OGDH: variants seen among roughly 807,000 people sequenced by gnomAD.
The protein encoded by OGDH is oxoglutarate dehydrogenase, also known as 2-oxoglutarate dehydrogenase complex component E1.
Under a neutral mutation model 116.6 loss-of-function variants are expected in OGDH, and 38 were observed. The ratio of observed to expected loss-of-function variants is 0.33; its 90% confidence interval spans 0.25 to 0.43. OGDH has a LOEUF of 0.43. Among genes scored for constraint, OGDH ranks in the 20% least tolerant of loss-of-function variants. OGDH has a pLI of 1.00. For missense variants in OGDH, 825 were observed against 1,357.2 expected, an observed-to-expected ratio of 0.61 and a Z score of 6.16; for synonymous variants, 488 against 533.3, an observed-to-expected ratio of 0.92 and a Z score of 1.17.
chr7:44,686,520 G>A (rs1485144460), intron 10 of OGDH, among the ~76,000 whole-genome samples: 1 of 152,032 alleles, frequency 6.6e-6, no homozygotes, highest in Admixed American at 6.6e-5. Context: ...TTTGCTATCA[G>A]GGTAATGCTG....
chr7:44,708,198 A>G lies in OGDH; in HGVS notation c.*199A>G. The stretch of plus-strand genomic sequence containing the variant: ...CTGCCCCACAGGCCACACGCTGCCC[A>G]GGCTCTGCTGACTTCTGAGCAGTTT... On this transcript the variant is annotated 3_prime_UTR_variant, in exon 23 of 23. Coordinates refer to ENST00000222673, the MANE Select transcript of OGDH (RefSeq NM_002541.4). The G allele has an allele frequency of 7.3e-6, 5 of 685,170 alleles. No individual in the cohort carries two copies. The highest frequency in any genetic ancestry group is 1.8e-5 in the African/African-American group (1 of 55,232). 42.4% of individuals were successfully genotyped at this position (685,170 alleles called of 1,614,324 possible).
intron 4 of OGDH, among the ~76,000 whole-genome samples, chr7:44,649,250 T>C (rs1786329426): frequency 6.9e-6 from 1 of 145,276 alleles, no homozygotes; most frequent in South Asian, 2.2e-4. Flanking sequence ...CTGTTGTTTT[T>C]TTTTTTTTTT....
intron 2 of OGDH, among the ~76,000 whole-genome samples, chr7:44,637,200 G>T (rs952410502): frequency 1.8e-4 from 27 of 152,180 alleles, no homozygotes; most frequent in African/African-American, 6.5e-4. Context: ...AGGTGCTCCT[G>T]TTGTCTATTC....
chr7:44,674,493 A>G lies in OGDH; in HGVS notation c.871A>G (p.Lys291Glu). 6.2e-7 allele frequency: 1 copy of G among 1,614,150 alleles called. No homozygotes were observed. The highest frequency in any genetic ancestry group is 8.5e-7 in the Non-Finnish European group (1 of 1,180,024). The change falls in exon 7 of 23, where the codon AAG (lysine) becomes GAG (glutamate). Residue 291 changes from lysine (K) to glutamate (E), a missense_variant. Physicochemically the swap from Lys to Glu is moderately conservative, Grantham distance 56. Transcript: ENST00000222673. ...EGCEVLIPAL[K>E]TIIDKSSENG... ...CTGCGAGGTACTGATCCCTGCCCTCAAGACCATCATTGACAAGTCTAGTGA... is the reference window on the plus strand; with the variant it reads ...CTGCGAGGTACTGATCCCTGCCCTCGAGACCATCATTGACAAGTCTAGTGA...
intron 5 of OGDH, among the ~76,000 whole-genome samples, chr7:44,673,299 C>T (rs1787551348): frequency 6.6e-6 from 1 of 152,164 alleles, no homozygotes. Flanking sequence ...GCCTCGATGA[C>T]AGAGACCCTG....
chr7:44,619,622 T>G (rs992224968), intron 1 of OGDH, among the ~76,000 whole-genome samples: 1 of 152,252 alleles, frequency 6.6e-6, no homozygotes, highest in Admixed American at 6.5e-5. Context: ...TAACACGTTT[T>G]GCTTATCCAT....
chr7:44,610,416 G>A (rs903291404), intron 1 of OGDH, among the ~76,000 whole-genome samples: 3 of 150,618 alleles, frequency 2.0e-5, no homozygotes, highest in South Asian at 2.1e-4. Flanking sequence ...CGATTCTTCC[G>A]CCTCAGCCTC....
intron 12 of OGDH, among the ~76,000 whole-genome samples, chr7:44,695,501 T>C (rs921680144): frequency 6.6e-6 from 1 of 151,754 alleles, no homozygotes. Flanking sequence ...GGTCAAGAGA[T>C]CGAGACCATC....
At chr7:44,640,895 G>C in intron 2 of OGDH, among the ~76,000 whole-genome samples, 1 of 143,398 alleles carries the variant, frequency 7.0e-6, no homozygotes, top group East Asian at 2.0e-4. Flanking sequence ...TTTTTTGTGG[G>C]TTTTTTTTTT....
chr7:44,707,973 C>G lies in OGDH; in HGVS notation c.3046C>G (p.Leu1016Val). 1 of 1,613,784 alleles carries G rather than the reference C, an allele frequency of 6.2e-7. No individual in the cohort carries two copies. The highest frequency in any genetic ancestry group is 8.5e-7 in the Non-Finnish European group (1 of 1,180,010). The change falls in exon 23 of 23, where the codon CTG becomes GTG. Residue 1016 changes from leucine (L) to valine (V), a missense_variant. Physicochemically the swap from Leu to Val is conservative, Grantham distance 32. Transcript: ENST00000222673. The surrounding 1 kb of genome is among the most constrained non-coding windows in gnomAD (Gnocchi z 5.2). ...LQRLLDTAFD[L>V]DVFKNFS Reference sequence around the variant, plus strand: ...GCGCCTCCTGGACACGGCCTTCGACCTGGACGTCTTCAAGAACTTCTCGTA... The same window carrying G: ...GCGCCTCCTGGACACGGCCTTCGACGTGGACGTCTTCAAGAACTTCTCGTA...
At chr7:44,640,440 G>T (rs747291626) in intron 2 of OGDH, among the ~76,000 whole-genome samples, 32 of 151,560 alleles carry the variant, frequency 2.1e-4, no homozygotes, top group Non-Finnish European at 3.5e-4. Context: ...CTATTGGTGG[G>T]TTTTTTTTGT....
intron 1 of OGDH, among the ~76,000 whole-genome samples, chr7:44,606,882 G>T (rs1386060936): frequency 1.3e-5 from 2 of 152,130 alleles, no homozygotes; most frequent in South Asian, 2.1e-4. Flanking sequence ...CCTGCCCGGC[G>T]GGCGGAGATT....
At chr7:44,661,118 A>G (rs570590599) in intron 4 of OGDH, among the ~76,000 whole-genome samples, 2 of 152,020 alleles carry the variant, frequency 1.3e-5, no homozygotes, top group Non-Finnish European at 2.9e-5. Flanking sequence ...GGGGTCACTT[A>G]TTTTGCAGCT....
At chr7:44,663,431 G>A (rs762167164) in intron 4 of OGDH, among the ~76,000 whole-genome samples, 6 of 152,192 alleles carry the variant, frequency 3.9e-5, no homozygotes, top group African/African-American at 1.2e-4. Flanking sequence ...TCAGGAGTTC[G>A]AGACCAGCCC....
chr7:44,678,760 T>C (rs1299774045), intron 9 of OGDH, among the ~76,000 whole-genome samples: 1 of 152,196 alleles, frequency 6.6e-6, no homozygotes, highest in African/African-American at 2.4e-5. Context: ...CCTGTTCTTC[T>C]TACTCCTCTT....
chr7:44,661,562 C>A (rs147821914), intron 4 of OGDH, among the ~76,000 whole-genome samples: 2 of 151,938 alleles, frequency 1.3e-5, no homozygotes, highest in East Asian at 3.9e-4. Context: ...TTTAAACCCA[C>A]ATTTAAAAAT....
chr7:44,640,895 G>GTT (rs555010115), intron 2 of OGDH, among the ~76,000 whole-genome samples: 1 of 143,348 alleles, frequency 7.0e-6, no homozygotes, highest in Admixed American at 7.0e-5. Context: ...TTTTTTGTGG[G>GTT]TTTTTTTTTT....
At chr7:44,645,567 A>C (rs1284883801) in intron 3 of OGDH, 49 bp downstream of exon 3, 1 of 1,571,948 alleles carries the variant, frequency 6.4e-7, no homozygotes, top group Admixed American at 1.8e-5. Context: ...AGTGTTCCTT[A>C]GGTCATGCCT....
In OGDH at chr7:44,624,291, GTTTTTTTTTTT is replaced by G. The variant is rs200113572; in HGVS notation, c.-27-17_-27-7del. 3.7e-3 allele frequency: 2,824 copies of G among 760,362 alleles called. 120 individuals carry two copies. The African/African-American group carries it at 0.061, about 17-fold the overall frequency. 47.1% of individuals were successfully genotyped at this position (760,362 alleles called of 1,614,324 possible). A position where few individuals can be genotyped will look rare whatever the true frequency, so the allele number is the denominator to read the frequency against. On this transcript the variant is annotated splice_polypyrimidine_tract_variant and intron_variant, in intron 1 of 22. Transcript: ENST00000222673. ...CTCATTTTTAAAACCTTTCTTTCTT[GTTTTTTTTTTT>G]TTTTTTTTGTACAGGCAGTTGTGAA...
Sources: gnomAD v4.1 joint callset for allele counts (sites outside exome capture counted in the v4.1 genomes callset) on GRCh38, gnomAD v4.1.1 for gene constraint, Gnocchi (gnomAD v3.1) non-coding constraint, MANE v1.5 for transcripts, NCBI Gene and HGNC (gene_info 2026-07-23, HGNC 2026-07-21) for gene names.